BRD9: variants seen among roughly 807,000 people sequenced by gnomAD.
BRD9 encodes the protein bromodomain-containing protein 9.
BRD9 carries 47 observed loss-of-function variants against 68.7 expected under a neutral mutation model. The ratio of observed to expected loss-of-function variants is 0.68; its 90% CI spans 0.54 to 0.87. BRD9 has a LOEUF of 0.87. Among genes scored for constraint, BRD9 ranks in the 40% least tolerant of loss-of-function variants. The probability of loss-of-function intolerance (pLI) is 0.00; values close to 1 mark genes in which losing one functional copy is unlikely to be tolerated. For missense variants in BRD9, 670 were observed against 748.4 expected (o/e 0.90, Z 1.22); for synonymous variants, 313 against 293.9 (o/e 1.06, Z -0.67).
rs1354462160 is a variant in BRD9 at position 882,740 on chromosome 5, A to G, written c.966+1198T>C. On this transcript the variant is annotated intron_variant, in intron 8 of 15. Coordinates refer to ENST00000467963, the MANE Select transcript of BRD9 (RefSeq NM_023924.5). ...ACACAGACCACAGCAACTTCCCAACACGCAAGCCACGCAAACTGCAACCTC... is the reference window on the plus strand; with the variant it reads ...ACACAGACCACAGCAACTTCCCAACGCGCAAGCCACGCAAACTGCAACCTC... Among the ~76,000 whole-genome samples the G allele has an allele frequency of 4.0e-5, 6 of 151,328 alleles. No homozygotes were observed. The South Asian group carries it at 8.4e-4, about 21-fold the overall frequency.
rs748742547 is a variant in BRD9, at chr5:865,466, C to G, written c.1641G>C (p.Ser547=). Residue 547 remains serine, a synonymous_variant, in exon 15 of 16, where the codon TCG becomes TCC. Coordinates refer to ENST00000467963, the MANE Select transcript of BRD9 (RefSeq NM_023924.5). The part of the protein sequence containing the change: ...AQAERGGSRP[S]SNLSSLSNAS... ...CGTTGGACAGGGAGCTGAGGTTGGA[C>G]GACGGCCGAGAGCCGCCGCGCTCCG... The G allele has an allele frequency of 1.3e-6, 2 of 1,598,582 alleles. No individual in the cohort carries two copies. The highest frequency in any genetic ancestry group is 1.7e-6 in the Non-Finnish European group (2 of 1,170,722).
At chr5:883,597 G>T in intron 8 of BRD9, 1 of 408,114 alleles carries the variant, frequency 2.5e-6, no homozygotes, top group Non-Finnish European at 4.7e-6. Flanking sequence ...TAACAAGGGC[G>T]GTGCCTCACG....
chr5:865,720 C>T (rs1031809696), intron 14 of BRD9, 139 bp from the exon 15 acceptor site: 1 of 952,682 alleles, frequency 1.0e-6, no homozygotes, highest in Non-Finnish European at 1.6e-6. Context: ...GACGAGCTCA[C>T]AGCAGACAGG....
At chr5:887,281 G>A in intron 6 of BRD9, 80 bp downstream of exon 6, 3 of 1,236,680 alleles carry the variant, frequency 2.4e-6, no homozygotes, top group East Asian at 2.3e-5. Flanking sequence ...CGTGTTCACT[G>A]TGAGGCTCCC....
At chr5:889,477 G>C in intron 4 of BRD9, 110 bp downstream of exon 4, 1 of 1,200,926 alleles carries the variant, frequency 8.3e-7, no homozygotes, top group South Asian at 1.4e-5. Flanking sequence ...ACCAAGAGAA[G>C]GTGCAGGGTC....
At chr5:873,215 C>T (rs899705400) in intron 12 of BRD9, among the ~76,000 whole-genome samples, 12 of 152,094 alleles carry the variant, frequency 7.9e-5, no homozygotes, top group Admixed American at 5.2e-4. Flanking sequence ...TAATGTATAT[C>T]CCTGAGTTGT....
intron 6 of BRD9, among the ~76,000 whole-genome samples, 173 bp downstream of exon 6, chr5:887,188 G>A (rs797005440): frequency 9.2e-5 from 14 of 152,374 alleles, no homozygotes; most frequent in African/African-American, 3.4e-4. Context: ...GTTACAGCTA[G>A]GTCATGAGCA....
At chr5:871,709 G>A (rs1750153478) in intron 12 of BRD9, 145 bp from the exon 13 acceptor site, 4 of 770,766 alleles carry the variant, frequency 5.2e-6, no homozygotes, top group Non-Finnish European at 8.9e-6. Context: ...ATGGATTAAG[G>A]CTGGGGGTCC....
chr5:875,650 A>G (rs1339535038), intron 12 of BRD9, among the ~76,000 whole-genome samples: 2 of 152,144 alleles, frequency 1.3e-5, no homozygotes, highest in African/African-American at 4.8e-5. Flanking sequence ...CTTGGCCCAG[A>G]TGCTTTTTTA....
chr5:872,662 GC>G (rs1327395185), intron 12 of BRD9, among the ~76,000 whole-genome samples: 2 of 152,160 alleles, frequency 1.3e-5, no homozygotes, highest in Non-Finnish European at 2.9e-5. Context: ...GGGGACTCCC[GC>G]CTGGCTGCAA....
chr5:873,845 C>T (rs1042301598), intron 12 of BRD9, among the ~76,000 whole-genome samples: 5 of 152,206 alleles, frequency 3.3e-5, no homozygotes, highest in African/African-American at 1.2e-4. Flanking sequence ...CTGGGAAGGA[C>T]AGAGACTCAT....
intron 11 of BRD9, 145 bp from the exon 12 acceptor site, chr5:876,357 C>T: frequency 1.7e-6 from 1 of 598,542 alleles, no homozygotes; most frequent in South Asian, 2.1e-5. Context: ...TGGGGAGTGG[C>T]TGATAGTTTT....
At position 876,086 on chromosome 5, in the gene BRD9, G is replaced by A. The variant is rs1369858676; in HGVS notation, c.1383+15C>T. On this transcript the variant is annotated intron_variant, in intron 12 of 15. Transcript: ENST00000467963. ...AGGGCACCTGCCCCCCAACCCCGGTGCGAGTGCAGCCCACCTGCTTCAGCT... is the reference window on the plus strand; with the variant it reads ...AGGGCACCTGCCCCCCAACCCCGGTACGAGTGCAGCCCACCTGCTTCAGCT... 1.9e-6 allele frequency: 3 copies of A among 1,590,908 alleles called. No homozygotes were observed. The highest frequency in any genetic ancestry group is 1.3e-5 in the African/African-American group (1 of 74,492).
intron 7 of BRD9, among the ~76,000 whole-genome samples, chr5:886,107 C>A (rs1752515489): frequency 6.6e-6 from 1 of 152,218 alleles, no homozygotes; most frequent in Admixed American, 6.5e-5. Context: ...CCTTCCTGAC[C>A]ACAGGCCTGC....
chr5:882,035 A>G (rs1043713651), intron 8 of BRD9: 2 of 152,762 alleles, frequency 1.3e-5, no homozygotes, highest in African/African-American at 2.4e-5. Context: ...CCCTCTGCAC[A>G]GTGTCCATGT....
intron 15 of BRD9, 52 bp from the exon 16 acceptor site, chr5:864,620 A>AC: frequency 3.9e-6 from 6 of 1,521,918 alleles, no homozygotes; most frequent in Non-Finnish European, 5.4e-6. Flanking sequence ...CCCGCAGCAC[A>AC]CGTGGGGCTC....
Position 881,109 on chromosome 5 carries a change from T to A in BRD9, c.1040A>T (p.Asp347Val), listed in dbSNP as rs1212064304. The A allele has an allele frequency of 6.2e-7, 1 of 1,613,878 alleles. No homozygotes were observed. The highest frequency in any genetic ancestry group is 2.2e-5 in the East Asian group (1 of 44,870). ...SVVNTAEPDADEEETHPVDLS... is the reference protein window; with the variant it reads ...SVVNTAEPDAVEEETHPVDLS... Reference sequence around the variant, plus strand: ...GCCAGCCCTGAGCGGGCACCCACCATCAGCGTCCGGCTCGGCCGTGTTGAC... The same window carrying A: ...GCCAGCCCTGAGCGGGCACCCACCAACAGCGTCCGGCTCGGCCGTGTTGAC... Residue 347 changes from aspartate (D) to valine (V), a missense_variant and splice_region_variant, in exon 9 of 16, where the codon GAT (aspartate) becomes GTT (valine). Transcript: ENST00000467963.
intron 1 of BRD9, 25 bp downstream of exon 1, chr5:892,581 G>C: frequency 6.5e-7 from 1 of 1,533,866 alleles, no homozygotes; most frequent in South Asian, 1.2e-5. Context: ...CGCCCGCCGC[G>C]CGTCACAAAG....
intron 10 of BRD9, 64 bp from the exon 11 acceptor site, chr5:878,551 C>G: frequency 1.9e-6 from 3 of 1,605,136 alleles, no homozygotes; most frequent in Non-Finnish European, 2.6e-6. Flanking sequence ...AGGCCCCACC[C>G]CGCTTCTCCA....
Sources: allele counts gnomAD v4.1 joint callset (sites outside exome capture counted in the v4.1 genomes callset), GRCh38; gene constraint gnomAD v4.1.1; transcripts MANE v1.5; gene names NCBI Gene and HGNC (gene_info 2026-07-23, HGNC 2026-07-21).